The following L3MBTL4 variants were observed in gnomAD, a reference collection of about 807,000 sequenced individuals.
The protein encoded by L3MBTL4 is L3MBTL histone methyl-lysine binding protein 4, also known as lethal(3)malignant brain tumor-like protein 4.
L3MBTL4 carries 70 observed loss-of-function variants against 84.5 expected under a neutral mutation model. That is an observed-to-expected ratio of 0.83 (90% CI 0.68 to 1.01). The LOEUF (loss-of-function observed/expected upper bound fraction) is 1.01, where lower values mean the gene tolerates loss of function less well. Ranked by LOEUF, L3MBTL4 falls within the 50% of genes least tolerant of loss-of-function variation. The pLI is 0.00. For synonymous variants in L3MBTL4, 274 were observed against 259.8 expected (o/e 1.05, Z -0.52); for missense variants, 715 against 754.8 (o/e 0.95, Z 0.62).
intron 4 of L3MBTL4, among the ~76,000 whole-genome samples, chr18:6,294,188 A>G (rs1338206216): frequency 1.3e-5 from 2 of 152,164 alleles, no homozygotes; most frequent in African/African-American, 2.4e-5. Context: ...TTTGTCCTGT[A>G]TTTGCAGCCT....
intron 1 of L3MBTL4, among the ~76,000 whole-genome samples, chr18:6,362,913 C>T (rs2053770928): frequency 6.6e-6 from 1 of 152,226 alleles, no homozygotes; most frequent in Non-Finnish European, 1.5e-5. Context: ...TGGGCGCATG[C>T]GCACTGCCTT....
chr18:6,093,827 A>G (rs1453556180), intron 14 of L3MBTL4, among the ~76,000 whole-genome samples: 3 of 152,270 alleles, frequency 2.0e-5, no homozygotes, highest in Non-Finnish European at 4.4e-5. Flanking sequence ...CCAATGGAAC[A>G]ATGCAAATGT....
intron 1 of L3MBTL4, among the ~76,000 whole-genome samples, chr18:6,328,303 G>C (rs756351740): frequency 6.6e-6 from 1 of 152,158 alleles, no homozygotes; most frequent in African/African-American, 2.4e-5. Context: ...ACTTGCCTAA[G>C]CTCATGTGAC....
intron 10 of L3MBTL4, among the ~76,000 whole-genome samples, chr18:6,221,376 G>T (rs2046544782): frequency 6.6e-6 from 1 of 152,110 alleles, no homozygotes; most frequent in Admixed American, 6.5e-5. Flanking sequence ...TCTGCCAAGG[G>T]TCTATCACAA....
rs184969741 is a variant in L3MBTL4, at chr18:6,059,566, G to A, written c.1444+21315C>T. Reference sequence around the variant, plus strand: ...AAGAAAAAATTTTGTATGAAAAGAAGGGCAAATGGATTTTTTTGAAGGATA... The same window carrying A: ...AAGAAAAAATTTTGTATGAAAAGAAAGGCAAATGGATTTTTTTGAAGGATA... On this transcript the variant is annotated intron_variant, in intron 16 of 18. Transcript: ENST00000317931. Among the ~76,000 whole-genome samples, 528 of 152,066 alleles carry A rather than the reference G, an allele frequency of 3.5e-3. 1 individual carries two copies. Among genetic ancestry groups the A allele is most frequent in the Non-Finnish European group, 5.5e-3 (373 of 67,984 alleles).
chr18:6,060,848 A>G (rs2057191255), intron 16 of L3MBTL4, among the ~76,000 whole-genome samples: 1 of 152,064 alleles, frequency 6.6e-6, no homozygotes, highest in Non-Finnish European at 1.5e-5. Flanking sequence ...TCTTTTTATC[A>G]CTGAATAATA....
At chr18:6,166,698 T>C (rs879776160) in intron 13 of L3MBTL4, among the ~76,000 whole-genome samples, 56 of 152,124 alleles carry the variant, frequency 3.7e-4, no homozygotes, top group Non-Finnish European at 6.9e-4. Context: ...GGGAAACTTA[T>C]AGCACTAAAT....
intron 5 of L3MBTL4, among the ~76,000 whole-genome samples, chr18:6,251,136 A>G (rs143622577): frequency 6.0e-4 from 92 of 152,360 alleles, no homozygotes; most frequent in African/African-American, 2.1e-3. Flanking sequence ...TTCCAGGATG[A>G]ATACAACCAA....
intron 12 of L3MBTL4, among the ~76,000 whole-genome samples, chr18:6,174,791 A>G (rs757421383): frequency 6.6e-6 from 1 of 151,038 alleles, no homozygotes; most frequent in Non-Finnish European, 1.5e-5. Context: ...TGGCTTGAAC[A>G]TGGGAAGCGG....
chr18:6,241,970 C>T (rs2047469501), intron 7 of L3MBTL4, among the ~76,000 whole-genome samples: 1 of 152,204 alleles, frequency 6.6e-6, no homozygotes, highest in East Asian at 1.9e-4. Flanking sequence ...CACTCCACAG[C>T]TCCAGCTTTC....
intron 14 of L3MBTL4, among the ~76,000 whole-genome samples, chr18:6,126,567 T>C (rs377739800): frequency 2.6e-5 from 4 of 152,308 alleles, no homozygotes; most frequent in Admixed American, 6.5e-5. Flanking sequence ...ATATAGTACC[T>C]TTGGAAATCA....
At chr18:6,232,863 C>A (rs1490853199) in intron 10 of L3MBTL4, among the ~76,000 whole-genome samples, 4 of 151,872 alleles carry the variant, frequency 2.6e-5, no homozygotes, top group Admixed American at 1.3e-4. Context: ...TAAAAAATAA[C>A]TAACATATAT....
chr18:6,001,558 T>C lies in L3MBTL4; in HGVS notation c.1445-31996A>G, dbSNP rs375651160. Among the ~76,000 whole-genome samples the C allele has an allele frequency of 2.9e-3, 435 of 152,206 alleles. 1 individual carries two copies. The highest frequency in any genetic ancestry group is 0.01 in the African/African-American group (423 of 41,526). ...GAGATACTATATTATGAGATTCAAA[T>C]GGTCAGTTTCAACAACAAAAAAATA... On this transcript the variant is annotated intron_variant, in intron 16 of 18. Transcript: ENST00000317931.
chr18:5,959,115 A>C (rs1289963636), intron 18 of L3MBTL4, among the ~76,000 whole-genome samples: 1 of 152,200 alleles, frequency 6.6e-6, no homozygotes, highest in African/African-American at 2.4e-5. Flanking sequence ...CCCAAAACTC[A>C]GCACTTCCTT....
chr18:6,359,559 T>A (rs1247984291), intron 1 of L3MBTL4, among the ~76,000 whole-genome samples: 1 of 152,080 alleles, frequency 6.6e-6, no homozygotes. Flanking sequence ...CAGATAACTC[T>A]TAGAAGAGGG....
chr18:6,189,437 G>A (rs996107439), intron 12 of L3MBTL4, among the ~76,000 whole-genome samples: 4 of 152,254 alleles, frequency 2.6e-5, no homozygotes, highest in South Asian at 2.1e-4. Context: ...GAAAAGGCAC[G>A]GCCCTTTCTG....
intron 15 of L3MBTL4, among the ~76,000 whole-genome samples, chr18:6,085,118 A>T (rs775690043): frequency 1.4e-4 from 22 of 152,258 alleles, no homozygotes; most frequent in Non-Finnish European, 2.5e-4. Context: ...GCAAATAAAA[A>T]GTAATGAACC....
At chr18:6,117,600 A>G (rs769433031) in intron 14 of L3MBTL4, among the ~76,000 whole-genome samples, 3 of 152,222 alleles carry the variant, frequency 2.0e-5, no homozygotes, top group Non-Finnish European at 4.4e-5. Context: ...TGAATCTGCT[A>G]CTTACTAGGA....
chr18:6,114,218 G>C (rs908376390), intron 14 of L3MBTL4, among the ~76,000 whole-genome samples: 1 of 152,200 alleles, frequency 6.6e-6, no homozygotes, highest in African/African-American at 2.4e-5. Flanking sequence ...ACTTGAAGGA[G>C]ATAAGAGCAG....
Sources: allele counts gnomAD v4.1 joint callset (sites outside exome capture counted in the v4.1 genomes callset), GRCh38; gene constraint gnomAD v4.1.1; transcripts MANE v1.5; gene names NCBI Gene and HGNC (gene_info 2026-07-23, HGNC 2026-07-21).